The following KALRN variants were observed in gnomAD, a reference collection of about 807,000 sequenced individuals.
The protein encoded by KALRN is kalirin RhoGEF kinase.
KALRN carries 70 observed loss-of-function variants against 353.7 expected under a neutral mutation model. The ratio of observed to expected loss-of-function variants is 0.20; its 90% CI spans 0.16 to 0.24. The LOEUF (loss-of-function observed/expected upper bound fraction) is 0.24, where lower values mean the gene tolerates loss of function less well. Among genes scored for constraint, KALRN ranks in the 10% least tolerant of loss-of-function variants. The probability of loss-of-function intolerance (pLI) is 1.00; values close to 1 mark genes in which losing one functional copy is unlikely to be tolerated. For synonymous variants in KALRN, 1,391 were observed against 1,434.8 expected (o/e 0.97, Z 0.69); for missense variants, 2,791 against 3,756.7 (o/e 0.74, Z 6.72).
At position 124,694,491 on chromosome 3, in the gene KALRN, C is replaced by G; in HGVS notation, c.7565C>G (p.Thr2522Arg). The change falls in exon 53 of 60, where the codon ACG (threonine) becomes AGG (arginine). Residue 2522 changes from threonine to arginine, a missense_variant. Around this residue, in one of 11 missense-constraint regions of KALRN, gnomAD observed 1,065 missense variants for 1,156.4 expected, o/e 0.92. Transcript: ENST00000682506. ...ACTGATAACAGCTCAGCCACATACA[C>G]GGTCTCCTCTTGGTAAGCCGATTGC... ...LDTDNSSATY[T>R]VSSCDSGEIT... The G allele has an allele frequency of 6.2e-7, 1 of 1,613,800 alleles. No homozygotes were observed. The highest frequency in any genetic ancestry group is 1.7e-5 in the Admixed American group (1 of 60,024).
intron 1 of KALRN, among the ~76,000 whole-genome samples, chr3:124,173,295 TAAAAAG>T (rs1340249780): frequency 2.6e-5 from 4 of 152,078 alleles, no homozygotes; most frequent in Non-Finnish European, 5.9e-5. Flanking sequence ...AAAGAAAAAA[TAAAAAG>T]AGAAAGCTTG....
intron 27 of KALRN, among the ~76,000 whole-genome samples, chr3:124,481,252 G>A (rs1259449350): frequency 1.1e-4 from 17 of 152,118 alleles, no homozygotes; most frequent in Admixed American, 1.1e-3. Flanking sequence ...CTGTCATCCA[G>A]GTTGAGTGCA....
chr3:124,253,506 G>A (rs1252181754), intron 3 of KALRN, among the ~76,000 whole-genome samples: 1 of 152,160 alleles, frequency 6.6e-6, no homozygotes, highest in African/African-American at 2.4e-5. Context: ...GACTCCTCCC[G>A]ATCATTCCTC....
chr3:124,616,732 G>A (rs911197848), intron 34 of KALRN, among the ~76,000 whole-genome samples: 1 of 152,102 alleles, frequency 6.6e-6, no homozygotes, highest in Admixed American at 6.6e-5. Context: ...TTGGGAGTCC[G>A]AGGTGGGCGG....
intron 9 of KALRN, among the ~76,000 whole-genome samples, chr3:124,346,021 T>C (rs1393726118): frequency 2.6e-5 from 4 of 152,228 alleles, no homozygotes; most frequent in Non-Finnish European, 4.4e-5. Context: ...GAAAGGCTAG[T>C]ACATCATTAA....
chr3:124,095,509 C>T (rs185081506), intron 1 of KALRN, among the ~76,000 whole-genome samples: 23 of 152,330 alleles, frequency 1.5e-4, no homozygotes, highest in Admixed American at 1.4e-3. Flanking sequence ...CTATGCACCT[C>T]TTAGCTTCAC....
Position 124,724,380 on chromosome 3 carries a change from C to T in KALRN, c.*4910C>T, listed in dbSNP as rs1276749879. ...GACCTTCTTCCTTTCTCTCCTGGGT[C>T]GCACCTCTGTGGAGTCTGGGTTAGA... On this transcript the variant is annotated 3_prime_UTR_variant, in exon 60 of 60. Transcript: ENST00000682506. 3 of 152,036 alleles carry T rather than the reference C, an allele frequency of 2.0e-5. No homozygotes were observed. Among genetic ancestry groups the T allele is most frequent in the Admixed American group, 6.6e-5 (1 of 15,252 alleles). The allele number at this position is 152,036 out of a possible 1,614,324, so 9.4% of individuals were successfully genotyped here.
In KALRN at chr3:124,719,374, A is replaced by G. The variant is rs2063303750; in HGVS notation, c.8865A>G (p.Leu2955=). Reference sequence around the variant, plus strand: ...AGATCCCCCTGGACACCTCCCGCCTAGCATGCTTCATAGAACGTCGCAAGC... The same window carrying G: ...AGATCCCCCTGGACACCTCCCGCCTGGCATGCTTCATAGAACGTCGCAAGC... The part of the protein sequence containing the change: ...YSKIPLDTSR[L]ACFIERRKHQ... The change falls in exon 60 of 60, where the codon CTA becomes CTG. Residue 2955 remains leucine, a synonymous_variant. Transcript: ENST00000682506. This position sits in a 1 kb window ranked among gnomAD's most constrained non-coding sequence, Gnocchi z 5.3. 3 of 1,614,092 alleles carry G rather than the reference A, an allele frequency of 1.9e-6. No individual in the cohort carries two copies. The highest frequency in any genetic ancestry group is 1.6e-4 in the Middle Eastern group (1 of 6,084).
At position 124,633,636 on chromosome 3, in the gene KALRN, G is replaced by GT. The variant is rs1561480035; in HGVS notation, c.5467-216_5467-215insT. ...GTTTCTGGTTTTGCTTCTTTTTGGG[G>GT]GTGTGTGTGTGTGTGTGTGTGTTCC... On this transcript the variant is annotated intron_variant, in intron 35 of 59. Coordinates refer to ENST00000682506, the MANE Select transcript of KALRN (RefSeq NM_001388419.1). 3.4e-3 allele frequency among the ~76,000 whole-genome samples: 355 copies of GT among 103,758 alleles called. 1 individual carries two copies. Among genetic ancestry groups the GT allele is most frequent in the Non-Finnish European group, 7.2e-3 (280 of 39,030 alleles). 68.1% of individuals were successfully genotyped at this position (103,758 alleles called of 152,430 possible). A position where few individuals can be genotyped will look rare whatever the true frequency, so the allele number is the denominator to read the frequency against.
At chr3:124,059,666 T>C (rs2041844058) in intron 1 of KALRN, among the ~76,000 whole-genome samples, 1 of 152,246 alleles carries the variant, frequency 6.6e-6, no homozygotes, top group Non-Finnish European at 1.5e-5. Context: ...TGGACTCAAA[T>C]TGGATATTGC....
At chr3:124,631,058 C>T (rs2080725182) in intron 34 of KALRN, among the ~76,000 whole-genome samples, 1 of 152,208 alleles carries the variant, frequency 6.6e-6, no homozygotes, top group Non-Finnish European at 1.5e-5. Flanking sequence ...CCTGACCTAT[C>T]AGGCAGCATT....
rs796628603 is a variant in KALRN at position 124,642,806 on chromosome 3, G to GTTGTT, written c.5664+5505_5664+5506insGTTTT. On this transcript the variant is annotated intron_variant, in intron 37 of 59. Transcript: ENST00000682506. Reference sequence around the variant, plus strand: ...TCTGTGGAAGAGATTCCCAAGCCTCGTTTTTTTTTTTTTTTTTTTTGAGAC... The same window carrying GTTGTT: ...TCTGTGGAAGAGATTCCCAAGCCTCGTTGTTTTTTTTTTTTTTTTTTTTTTGAGAC... 3.7e-4 allele frequency among the ~76,000 whole-genome samples: 36 copies of GTTGTT among 96,836 alleles called. 3 individuals carry two copies. The highest frequency in any genetic ancestry group is 9.0e-4 in the African/African-American group (20 of 22,278). The allele number at this position is 96,836 out of a possible 152,430, so 63.5% of individuals were successfully genotyped here. A position where few individuals can be genotyped will look rare whatever the true frequency, so the allele number is the denominator to read the frequency against.
intron 27 of KALRN, among the ~76,000 whole-genome samples, chr3:124,479,163 C>T (rs1283972089): frequency 6.6e-6 from 1 of 152,204 alleles, no homozygotes; most frequent in Non-Finnish European, 1.5e-5. Context: ...AATGTATTTT[C>T]CCTTAGTACT....
chr3:124,562,801 C>A, intron 33 of KALRN, 42 bp from the exon 34 acceptor site: 1 of 1,293,466 alleles, frequency 7.7e-7, no homozygotes, highest in South Asian at 1.3e-5. Flanking sequence ...CCCCTTCCTC[C>A]ATGCCCTCCT....
At chr3:124,410,566 C>G (rs935314232) in intron 13 of KALRN, among the ~76,000 whole-genome samples, 2 of 152,152 alleles carry the variant, frequency 1.3e-5, no homozygotes, top group African/African-American at 4.8e-5. Flanking sequence ...AGTAGATATA[C>G]AAATGGTCAA....
At chr3:124,298,617 C>T (rs1464845476) in intron 5 of KALRN, among the ~76,000 whole-genome samples, 174 bp from the exon 6 acceptor site, 4 of 152,154 alleles carry the variant, frequency 2.6e-5, no homozygotes, top group Admixed American at 1.3e-4. Flanking sequence ...AGTGAGGGCT[C>T]TCCTGAGAAA....
chr3:124,269,105 T>C lies in KALRN; in HGVS notation c.819T>C (p.Ser273=). ...GFSGRNCIPG[S]ADFQSLVPKI... ...CAGGACGCAACTGCATCCCGGGCAGTGCTGACTTCCAGAGCCTGGTGCCCA... is the reference window on the plus strand; with the variant it reads ...CAGGACGCAACTGCATCCCGGGCAGCGCTGACTTCCAGAGCCTGGTGCCCA... Residue 273 remains serine, a synonymous_variant, in exon 5 of 60, where the codon AGT becomes AGC. Transcript: ENST00000682506. 6.2e-7 allele frequency: 1 copy of C among 1,613,168 alleles called. No homozygotes were observed. The highest frequency in any genetic ancestry group is 8.5e-7 in the Non-Finnish European group (1 of 1,179,746).
At chr3:124,185,465 CT>C (rs1415395971) in intron 1 of KALRN, among the ~76,000 whole-genome samples, 1 of 152,148 alleles carries the variant, frequency 6.6e-6, no homozygotes, top group Non-Finnish European at 1.5e-5. Flanking sequence ...TCCCTGCTAC[CT>C]TTGTCTTTCT....
chr3:124,539,617 C>T (rs1314078423), intron 33 of KALRN, among the ~76,000 whole-genome samples: 1 of 152,010 alleles, frequency 6.6e-6, no homozygotes, highest in Non-Finnish European at 1.5e-5. Context: ...AGGACTATGA[C>T]CACTGGTGTT....
Sources: gnomAD v4.1 joint callset for allele counts (sites outside exome capture counted in the v4.1 genomes callset) on GRCh38, gnomAD v4.1.1 for gene constraint, gnomAD v4.1.1 regional missense constraint, Gnocchi (gnomAD v3.1) non-coding constraint, MANE v1.5 for transcripts, NCBI Gene and HGNC (gene_info 2026-07-23, HGNC 2026-07-21) for gene names.